The following GRM7 variants were observed in gnomAD, a reference collection of about 807,000 sequenced individuals.
GRM7 encodes glutamate metabotropic receptor 7, also known as metabotropic glutamate receptor 7.
GRM7 carries 35 observed loss-of-function variants against 84.5 expected under a neutral mutation model. That is an observed-to-expected ratio of 0.41 (90% confidence interval 0.32 to 0.55). The LOEUF is 0.55. Among genes scored for constraint, GRM7 ranks in the 20% least tolerant of loss-of-function variants. The probability of loss-of-function intolerance (pLI) is 0.19; values close to 1 mark genes in which losing one functional copy is unlikely to be tolerated. For synonymous variants in GRM7, 487 were observed against 455.1 expected (o/e 1.07, Z -0.89); for missense variants, 1,003 against 1,194.6 (o/e 0.84, Z 2.36).
chr3:6,892,604 A>C (rs1423983782), intron 1 of GRM7: 2 of 152,264 alleles, frequency 1.3e-5, no homozygotes, highest in South Asian at 4.1e-4. Flanking sequence ...TCTGAGAGTG[A>C]GGAAAAAGAA....
intron 9 of GRM7, among the ~76,000 whole-genome samples, chr3:7,704,750 C>A (rs1051774756): frequency 1.3e-5 from 2 of 152,118 alleles, no homozygotes; most frequent in African/African-American, 4.8e-5. Flanking sequence ...GAATGCCCAT[C>A]CAGCCATCTT....
chr3:7,306,684 G>C, intron 4 of GRM7, 32 bp downstream of exon 4: 1 of 1,541,492 alleles, frequency 6.5e-7, no homozygotes, highest in Middle Eastern at 1.8e-4. Context: ...GGTTTGCTGA[G>C]AGAAGTTCTG....
At position 7,034,749 on chromosome 3, in the gene GRM7, G is replaced by A. The variant is rs1315330158; in HGVS notation, c.520-111703G>A. On this transcript the variant is annotated intron_variant, in intron 1 of 9. Transcript: ENST00000357716. Reference sequence around the variant, plus strand: ...TGTATAGTTGCCAGAACCCAAAGCAGTTAAAGGGTGACTGGTGCAATCCAT... The same window carrying A: ...TGTATAGTTGCCAGAACCCAAAGCAATTAAAGGGTGACTGGTGCAATCCAT... 2.6e-5 allele frequency among the ~76,000 whole-genome samples: 4 copies of A among 152,230 alleles called. No individual in the cohort carries two copies. In the East Asian group the frequency reaches 5.8e-4, roughly 22 times the overall value.
chr3:7,515,032 T>C (rs1228803949), intron 7 of GRM7, among the ~76,000 whole-genome samples: 1 of 152,048 alleles, frequency 6.6e-6, no homozygotes, highest in Admixed American at 6.5e-5. Context: ...AGGCAAGCCA[T>C]TCAGCCTTTG....
chr3:7,728,040 G>A (rs1702190603), intron 9 of GRM7, among the ~76,000 whole-genome samples: 1 of 152,068 alleles, frequency 6.6e-6, no homozygotes, highest in African/African-American at 2.4e-5. Flanking sequence ...CCTCTCCTTT[G>A]AGCCCTCTTG....
intron 4 of GRM7, among the ~76,000 whole-genome samples, chr3:7,369,800 T>C (rs1694058325): frequency 6.6e-6 from 1 of 152,294 alleles, no homozygotes; most frequent in South Asian, 2.1e-4. Flanking sequence ...TTAATAATTG[T>C]TAAATGCATG....
At chr3:7,315,590 C>A (rs1391173958) in intron 4 of GRM7, among the ~76,000 whole-genome samples, 1 of 152,150 alleles carries the variant, frequency 6.6e-6, no homozygotes, top group Admixed American at 6.6e-5. Context: ...TTAGAACAGA[C>A]AAATACAATA....
chr3:7,139,286 G>A (rs567393856), intron 1 of GRM7, among the ~76,000 whole-genome samples: 44 of 151,640 alleles, frequency 2.9e-4, no homozygotes, highest in African/African-American at 9.7e-4. Flanking sequence ...GAAATAGTTG[G>A]TTCTACAATG....
intron 1 of GRM7, among the ~76,000 whole-genome samples, chr3:7,113,978 A>C (rs544416688): frequency 6.6e-6 from 1 of 152,330 alleles, no homozygotes; most frequent in East Asian, 1.9e-4. Context: ...CTTCAATGAC[A>C]GAGTTAGATT....
rs1229909493 is a variant in GRM7, at chr3:7,615,974, A to G, written c.2451+36617A>G. On this transcript the variant is annotated intron_variant, in intron 8 of 9. Transcript: ENST00000357716. ...TACATATATAAACACACACACATAT[A>G]TAGTAGATAAGTAGATACATAGTGA... is the stretch of plus-strand genomic sequence containing the variant. Among the ~76,000 whole-genome samples, 3 of 152,084 alleles carry G rather than the reference A, an allele frequency of 2.0e-5. No individual in the cohort carries two copies. In the East Asian group the frequency reaches 5.8e-4, roughly 29 times the overall value.
At chr3:7,699,706 C>T (rs1289384040) in intron 9 of GRM7, among the ~76,000 whole-genome samples, 1 of 151,980 alleles carries the variant, frequency 6.6e-6, no homozygotes, top group Non-Finnish European at 1.5e-5. Flanking sequence ...TTTCTTAGCC[C>T]TCTTTATAAG....
At chr3:7,181,850 A>G (rs1326326900) in intron 2 of GRM7, among the ~76,000 whole-genome samples, 1 of 151,962 alleles carries the variant, frequency 6.6e-6, no homozygotes, top group Non-Finnish European at 1.5e-5. Flanking sequence ...AGCTCAAGCG[A>G]TCCTCCCTCC....
chr3:7,238,519 C>T (rs1219066746), intron 2 of GRM7, among the ~76,000 whole-genome samples: 1 of 152,048 alleles, frequency 6.6e-6, no homozygotes, highest in Non-Finnish European at 1.5e-5. Context: ...TCTTCTGCCA[C>T]TAACATGTAC....
rs567486930 is a variant in GRM7, at chr3:7,069,497, C to T, written c.520-76955C>T. Among the ~76,000 whole-genome samples, 4 of 152,176 alleles carry T rather than the reference C, an allele frequency of 2.6e-5. No individual in the cohort carries two copies. In the South Asian group the frequency reaches 8.3e-4, roughly 32 times the overall value. Reference sequence around the variant, plus strand: ...AGTTAAGGCAGTCCATAGAGGTTAGCTTCAACAGAGCAAGGTGAGAATTAA... The same window carrying T: ...AGTTAAGGCAGTCCATAGAGGTTAGTTTCAACAGAGCAAGGTGAGAATTAA... On this transcript the variant is annotated intron_variant, in intron 1 of 9. Transcript: ENST00000357716.
At chr3:7,195,689 T>C (rs1695854959) in intron 2 of GRM7, among the ~76,000 whole-genome samples, 1 of 152,040 alleles carries the variant, frequency 6.6e-6, no homozygotes, top group South Asian at 2.1e-4. Context: ...AGAAAAGATA[T>C]AGAATGTATA....
At chr3:7,613,611 A>C (rs927354819) in intron 8 of GRM7, among the ~76,000 whole-genome samples, 1 of 152,138 alleles carries the variant, frequency 6.6e-6, no homozygotes, top group African/African-American at 2.4e-5. Context: ...TTTAACAACA[A>C]GGGAAGATAT....
intron 2 of GRM7, among the ~76,000 whole-genome samples, chr3:7,182,896 GTT>G (rs5846493): frequency 1.4e-3 from 152 of 110,726 alleles, no homozygotes; most frequent in African/African-American, 4.3e-3. Context: ...ACGTGAAAGT[GTT>G]TTTTTTTTTT....
At chr3:7,412,841 T>G (rs1018459196) in intron 4 of GRM7, among the ~76,000 whole-genome samples, 1 of 152,168 alleles carries the variant, frequency 6.6e-6, no homozygotes, top group African/African-American at 2.4e-5. Context: ...TGATTCTGTT[T>G]CCAGCGAACC....
At chr3:7,106,908 C>A (rs900323386) in intron 1 of GRM7, among the ~76,000 whole-genome samples, 1 of 152,054 alleles carries the variant, frequency 6.6e-6, no homozygotes, top group Admixed American at 6.6e-5. Context: ...AAGAATAAAT[C>A]ATGCCATTCA....
Sources: allele counts gnomAD v4.1 joint callset (sites outside exome capture counted in the v4.1 genomes callset), GRCh38; gene constraint gnomAD v4.1.1; transcripts MANE v1.5; gene names NCBI Gene and HGNC (gene_info 2026-07-23, HGNC 2026-07-21).